The following MTHFD1L variants were observed in gnomAD, a reference collection of about 807,000 sequenced individuals.
MTHFD1L encodes the protein methylenetetrahydrofolate dehydrogenase (NADP+ dependent) 1 like.
A neutral mutation model predicts 119.5 loss-of-function variants in MTHFD1L; 81 were observed. That is an observed-to-expected ratio of 0.68 (90% confidence interval 0.57 to 0.82). MTHFD1L has a LOEUF of 0.82. Ranked by LOEUF, MTHFD1L falls within the 40% of genes least tolerant of loss-of-function variation. The pLI is 0.00. For synonymous variants in MTHFD1L, 430 were observed against 475.2 expected (o/e 0.90, Z 1.24); for missense variants, 1,125 against 1,253.4 (o/e 0.90, Z 1.55).
chr6:151,023,137 C>T (rs1784181940), intron 24 of MTHFD1L, among the ~76,000 whole-genome samples: 1 of 151,688 alleles, frequency 6.6e-6, no homozygotes, highest in East Asian at 1.9e-4. Context: ...ACCTCCACCT[C>T]CCGGTTTCAA....
At position 150,905,036 on chromosome 6, in the gene MTHFD1L, C is replaced by CTTTTT. The variant is rs36039459; in HGVS notation, c.781-597_781-593dup. On this transcript the variant is annotated intron_variant, in intron 7 of 27. Coordinates refer to ENST00000367321, the MANE Select transcript of MTHFD1L (RefSeq NM_015440.5). ...TCATGGCCTTAGCCCTTGTTTTCCT[C>CTTTTT]TTTTTTTTTTTTTTTTTTTTTGAGA... Among the ~76,000 whole-genome samples, 247 of 111,666 alleles carry CTTTTT rather than the reference C, an allele frequency of 2.2e-3. 3 individuals are homozygous for CTTTTT. The highest frequency in any genetic ancestry group is 2.6e-3 in the Non-Finnish European group (148 of 57,754). The allele number at this position is 111,666 out of a possible 152,430, so 73.3% of individuals were successfully genotyped here.
intron 20 of MTHFD1L, among the ~76,000 whole-genome samples, chr6:151,008,665 T>A (rs1781736769): frequency 6.6e-6 from 1 of 151,940 alleles, no homozygotes; most frequent in Non-Finnish European, 1.5e-5. Flanking sequence ...ACTGAGGGGG[T>A]GGGGACTAGA....
In MTHFD1L at chr6:151,024,265, C is replaced by T. The variant is rs78000210; in HGVS notation, c.2586+8572C>T. On this transcript the variant is annotated intron_variant, in intron 24 of 27. Transcript: ENST00000367321. ...CATGAGAACACTGTGCTTGGCCAGG[C>T]GCGGCGGCTCATGCCTGTAATCCTA... Among the ~76,000 whole-genome samples the T allele has an allele frequency of 9.4e-4, 143 of 152,258 alleles. 2 individuals are homozygous for T. The East Asian group carries it at 0.025, about 27-fold the overall frequency.
At chr6:150,905,516 C>T (rs1000122288) in intron 7 of MTHFD1L, 134 bp from the exon 8 acceptor site, 18 of 643,522 alleles carry the variant, frequency 2.8e-5, no homozygotes, top group East Asian at 1.1e-4. Flanking sequence ...ATTAGTAAAG[C>T]GATTCCATCC....
intron 17 of MTHFD1L, among the ~76,000 whole-genome samples, chr6:150,958,034 T>C (rs1040486681): frequency 6.6e-6 from 1 of 152,204 alleles, no homozygotes; most frequent in Non-Finnish European, 1.5e-5. Flanking sequence ...TGCATTGTAT[T>C]GATAGTTCCA....
At chr6:150,922,135 C>T in intron 9 of MTHFD1L, 70 bp from the exon 10 acceptor site, 1 of 1,079,726 alleles carries the variant, frequency 9.3e-7, no homozygotes, top group Non-Finnish European at 1.4e-6. Context: ...AACAATATTT[C>T]CATGGTTTAA....
chr6:150,866,152 GA>G, intron 1 of MTHFD1L, 103 bp downstream of exon 1: 1 of 1,405,986 alleles, frequency 7.1e-7, no homozygotes, highest in African/African-American at 1.5e-5. Flanking sequence ...GCGGGGCTGC[GA>G]GTGTTTGGTG....
chr6:150,866,322 C>T (rs926686570), intron 1 of MTHFD1L: 13 of 1,457,158 alleles, frequency 8.9e-6, no homozygotes, highest in South Asian at 1.3e-5. Context: ...ATGGACCGCA[C>T]GCCCGGCTCC....
chr6:150,877,526 A>T, intron 2 of MTHFD1L, 108 bp from the exon 3 acceptor site: 1 of 1,249,002 alleles, frequency 8.0e-7, no homozygotes, highest in Non-Finnish European at 1.1e-6. Flanking sequence ...CACCTTCCAT[A>T]TTATCTTTGT....
chr6:150,997,991 A>G (rs1780047033), intron 20 of MTHFD1L, among the ~76,000 whole-genome samples: 1 of 152,188 alleles, frequency 6.6e-6, no homozygotes. Flanking sequence ...CACCAGAGGT[A>G]GACTCTGTGC....
At chr6:150,941,453 T>C (rs889253093) in intron 13 of MTHFD1L, among the ~76,000 whole-genome samples, 4 of 152,164 alleles carry the variant, frequency 2.6e-5, no homozygotes, top group African/African-American at 9.7e-5. Context: ...AATCACCCTG[T>C]CTTCTGTGTG....
intron 8 of MTHFD1L, among the ~76,000 whole-genome samples, chr6:150,905,982 C>G (rs1405673711): frequency 6.6e-6 from 1 of 152,162 alleles, no homozygotes; most frequent in Non-Finnish European, 1.5e-5. Flanking sequence ...GTGAAGTGCC[C>G]CCTACTGGCC....
chr6:150,950,479 C>A (rs1053908280), intron 16 of MTHFD1L, among the ~76,000 whole-genome samples: 2 of 152,170 alleles, frequency 1.3e-5, no homozygotes, highest in Admixed American at 1.3e-4. Flanking sequence ...GTTGGCTCTG[C>A]GGTTTATGGG....
At chr6:151,097,231 C>T (rs755829092) in intron 27 of MTHFD1L, among the ~76,000 whole-genome samples, 15 of 152,140 alleles carry the variant, frequency 9.9e-5, no homozygotes, top group Non-Finnish European at 2.1e-4. Context: ...ACGTTGAGTA[C>T]GGAATCAGAT....
chr6:150,886,193 G>A (rs1418670824), intron 6 of MTHFD1L, among the ~76,000 whole-genome samples: 3 of 152,180 alleles, frequency 2.0e-5, no homozygotes, highest in Non-Finnish European at 4.4e-5. Flanking sequence ...AGTGCTAGGC[G>A]AGGCCAAGGC....
intron 26 of MTHFD1L, among the ~76,000 whole-genome samples, chr6:151,073,438 A>G (rs1792154744): frequency 6.6e-6 from 1 of 152,222 alleles, no homozygotes; most frequent in South Asian, 2.1e-4. Flanking sequence ...CTTGCCAGAC[A>G]TCCAATCCAA....
At chr6:150,945,586 A>C in intron 15 of MTHFD1L, 45 bp downstream of exon 15, 1 of 1,551,180 alleles carries the variant, frequency 6.4e-7, no homozygotes. Flanking sequence ...ATATCGTAGA[A>C]ACGCATCAGA....
chr6:150,971,834 T>C, intron 19 of MTHFD1L, 113 bp from the exon 20 acceptor site: 1 of 796,924 alleles, frequency 1.3e-6, no homozygotes, highest in South Asian at 1.7e-5. Flanking sequence ...ATTTTATGCA[T>C]TAAATATGCA....
chr6:150,934,077 C>CTAAT (rs3046906), intron 11 of MTHFD1L, among the ~76,000 whole-genome samples: 31,887 of 152,022 alleles, frequency 0.21, 3,565 homozygotes, highest in African/African-American at 0.25. Flanking sequence ...CTTTAAATGG[C>CTAAT]TATAGTTATG....
Sources: allele counts gnomAD v4.1 joint callset (sites outside exome capture counted in the v4.1 genomes callset), GRCh38; gene constraint gnomAD v4.1.1; transcripts MANE v1.5; gene names NCBI Gene and HGNC (gene_info 2026-07-23, HGNC 2026-07-21).